Variants in HIBCH observed in about 807,000 individuals in gnomAD.
The protein encoded by HIBCH is 3-hydroxyisobutyryl-CoA hydrolase, mitochondrial.
In HIBCH, 50 loss-of-function variants were observed where a neutral mutation model predicts 58.2. The observed-to-expected ratio is 0.86, with a 90% confidence interval of 0.68 to 1.09. The LOEUF (loss-of-function observed/expected upper bound fraction) is 1.09, where lower values mean the gene tolerates loss of function less well. Among genes scored for constraint, HIBCH ranks in the 50% least tolerant of loss-of-function variants. The probability of loss-of-function intolerance (pLI) is 0.00; values close to 1 mark genes in which losing one functional copy is unlikely to be tolerated. For synonymous variants in HIBCH, 151 were observed against 146.9 expected, an observed-to-expected ratio of 1.03 and a Z score of -0.20; for missense variants, 450 against 449.7, an observed-to-expected ratio of 1.00 and a Z score of -0.01.
At chr2:190,190,824 CTA>C (rs149517162) in intron 1 of HIBCH, among the ~76,000 whole-genome samples, 2 of 152,204 alleles carry the variant, frequency 1.3e-5, no homozygotes, top group Non-Finnish European at 2.9e-5. Flanking sequence ...GTGAACAAGT[CTA>C]TGAATTTTAA....
At chr2:190,290,013 G>A (rs1314430978) in intron 5 of HIBCH, among the ~76,000 whole-genome samples, 1 of 152,124 alleles carries the variant, frequency 6.6e-6, no homozygotes, top group African/African-American at 2.4e-5. Context: ...CGAGTAGCTG[G>A]GATTACAGGC....
chr2:190,261,758 T>C (rs1687092878), intron 6 of HIBCH, among the ~76,000 whole-genome samples: 1 of 152,204 alleles, frequency 6.6e-6, no homozygotes, highest in Non-Finnish European at 1.5e-5. Context: ...CTTCATGCCA[T>C]TCCTCCAAAA....
At chr2:190,194,803 T>G (rs1689892663) in intron 1 of HIBCH, among the ~76,000 whole-genome samples, 1 of 152,140 alleles carries the variant, frequency 6.6e-6, no homozygotes, top group African/African-American at 2.4e-5. Flanking sequence ...CCCTTTCAGA[T>G]TGGCTTAACT....
At chr2:190,289,453 T>C (rs1288762040) in intron 5 of HIBCH, among the ~76,000 whole-genome samples, 1 of 152,158 alleles carries the variant, frequency 6.6e-6, no homozygotes. Flanking sequence ...ATGTCAAATA[T>C]GGTCTAGGAG....
intron 4 of HIBCH, among the ~76,000 whole-genome samples, chr2:190,290,812 G>A (rs567513139): frequency 6.6e-6 from 1 of 152,290 alleles, no homozygotes; most frequent in East Asian, 1.9e-4. Context: ...CTTGAGGCCA[G>A]GAGTTTGAGA....
intron 8 of HIBCH, chr2:190,251,364 G>A (rs1430983691): frequency 4.5e-6 from 1 of 220,704 alleles, no homozygotes; most frequent in East Asian, 1.5e-4. Flanking sequence ...GGATAGGCCA[G>A]TTGGTATATT....
At chr2:190,314,352 T>C (rs1194999656) in intron 1 of HIBCH, among the ~76,000 whole-genome samples, 1 of 52,820 alleles carries the variant, frequency 1.9e-5, no homozygotes, top group Non-Finnish European at 4.4e-5. Context: ...TATATGTGTA[T>C]ATATACGTAT....
chr2:190,208,858 T>C, intron 13 of HIBCH, 22 bp downstream of exon 13: 2 of 1,606,776 alleles, frequency 1.2e-6, no homozygotes, highest in South Asian at 2.2e-5. Context: ...CCCAAAATGG[T>C]AAGTTCCCAT....
intron 1 of HIBCH, among the ~76,000 whole-genome samples, chr2:190,314,289 A>G (rs1362150534): frequency 1.8e-5 from 1 of 55,916 alleles, no homozygotes; most frequent in African/African-American, 4.8e-5. Flanking sequence ...ATATATATAT[A>G]TGTATATATA....
At chr2:190,255,717 G>C (rs1686899862) in intron 7 of HIBCH, among the ~76,000 whole-genome samples, 1 of 152,176 alleles carries the variant, frequency 6.6e-6, no homozygotes. Context: ...TGAGTCTAGG[G>C]AAACCAAGAC....
Position 190,216,492 on chromosome 2 carries a change from A to T in HIBCH, c.892-3417T>A, listed in dbSNP as rs546973241. Reference sequence around the variant, plus strand: ...AGTTAGATCAGAGGGTTGTAAACTCAAATGACTACAGGGCCAGTAAATGAT... The same window carrying T: ...AGTTAGATCAGAGGGTTGTAAACTCTAATGACTACAGGGCCAGTAAATGAT... On this transcript the variant is annotated intron_variant, in intron 11 of 13. Coordinates refer to ENST00000359678, the MANE Select transcript of HIBCH (RefSeq NM_014362.4). This position sits in a 1 kb window ranked among gnomAD's most constrained non-coding sequence, Gnocchi z 4.2. Among the ~76,000 whole-genome samples, 9 of 152,298 alleles carry T rather than the reference A, an allele frequency of 5.9e-5. No individual in the cohort carries two copies. The highest frequency in any genetic ancestry group is 6.8e-3 in the Middle Eastern group (2 of 294).
At chr2:190,252,666 A>G (rs1686807883) in intron 7 of HIBCH, among the ~76,000 whole-genome samples, 1 of 152,036 alleles carries the variant, frequency 6.6e-6, no homozygotes, top group East Asian at 1.9e-4. Context: ...TTATTTCCAA[A>G]TCAGCACAGG....
rs1366995577 is a variant in HIBCH, at chr2:190,306,530, A to G, written c.78+4224T>C. Among the ~76,000 whole-genome samples the G allele has an allele frequency of 6.6e-6, 1 of 152,194 alleles. No homozygotes were observed. Among genetic ancestry groups the G allele is most frequent in the African/African-American group, 2.4e-5 (1 of 41,448 alleles). ...CATGACAGTTGTACTGTCATGCAAT[A>G]TACTGCATATGCAGGCACTCATATA... On this transcript the variant is annotated intron_variant, in intron 2 of 13. Coordinates refer to ENST00000359678, the MANE Select transcript of HIBCH (RefSeq NM_014362.4). The surrounding 1 kb of genome is among the most constrained non-coding windows in gnomAD (Gnocchi z 4.6).
intron 1 of HIBCH, among the ~76,000 whole-genome samples, chr2:190,194,303 T>C (rs1306660401): frequency 6.6e-6 from 1 of 152,200 alleles, no homozygotes; most frequent in Admixed American, 6.5e-5. Context: ...ACTATTCTAG[T>C]AATGTTTTAA....
intron 1 of HIBCH, among the ~76,000 whole-genome samples, chr2:190,314,604 G>A (rs1219191372): frequency 5.3e-5 from 8 of 151,524 alleles, no homozygotes; most frequent in Non-Finnish European, 1.0e-4. Flanking sequence ...TCAGCCTCCC[G>A]AGTAGCTGGG....
intron 11 of HIBCH, among the ~76,000 whole-genome samples, chr2:190,225,975 T>C (rs1685880460): frequency 6.6e-6 from 1 of 152,060 alleles, no homozygotes; most frequent in Admixed American, 6.5e-5. Context: ...CATACACAAA[T>C]CAATAAACGT....
chr2:190,255,034 T>C (rs1213098496), intron 7 of HIBCH, among the ~76,000 whole-genome samples: 2 of 152,214 alleles, frequency 1.3e-5, no homozygotes, highest in East Asian at 1.9e-4. Context: ...TCTAGACTAA[T>C]GTAATAACCT....
At chr2:190,264,926 C>G (rs1327176597) in intron 6 of HIBCH, among the ~76,000 whole-genome samples, 3 of 151,946 alleles carry the variant, frequency 2.0e-5, no homozygotes, top group Admixed American at 1.3e-4. Context: ...AGTTCGAGAT[C>G]AGCCTAGCCA....
intron 6 of HIBCH, among the ~76,000 whole-genome samples, chr2:190,263,708 G>A (rs1450134267): frequency 6.6e-6 from 1 of 152,132 alleles, no homozygotes; most frequent in Non-Finnish European, 1.5e-5. Flanking sequence ...TTCTCCTTAA[G>A]TGTGCTCCTC....
Sources: allele counts gnomAD v4.1 joint callset (sites outside exome capture counted in the v4.1 genomes callset), GRCh38; gene constraint gnomAD v4.1.1; non-coding constraint Gnocchi (gnomAD v3.1); transcripts MANE v1.5; gene names NCBI Gene and HGNC (gene_info 2026-07-23, HGNC 2026-07-21).